Variants in ITGB3 observed in about 807,000 individuals in gnomAD.
ITGB3 encodes integrin subunit beta 3.
A neutral mutation model predicts 85.8 loss-of-function variants in ITGB3; 48 were observed. The observed-to-expected ratio is 0.56, with a 90% confidence interval of 0.44 to 0.71. The LOEUF (loss-of-function observed/expected upper bound fraction) is 0.71. Ranked by LOEUF, ITGB3 falls within the 30% of genes least tolerant of loss-of-function variation. The pLI is 0.00. For synonymous variants in ITGB3, 363 were observed against 395.6 expected (o/e 0.92, Z 0.98); for missense variants, 861 against 1,019.1 (o/e 0.84, Z 2.11).
Position 47,300,334 on chromosome 17 carries a change from G to GGCGCGCGCGCGCGCGC in ITGB3, c.1914-131_1914-130insCGCGCGCGCGCGCGCG, listed in dbSNP as rs747880536. On this transcript the variant is annotated intron_variant, in intron 11 of 14. Coordinates refer to ENST00000559488, the MANE Select transcript of ITGB3 (RefSeq NM_000212.3). ...TTCAGGTCCCCAGGATTGTCTTACA[G>GGCGCGCGCGCGCGCGC]GCGCGCGCGCGCGTGTGTGTGTGTG... The GGCGCGCGCGCGCGCGC allele has an allele frequency of 3.4e-4, 172 of 501,960 alleles. No homozygotes were observed. The African/African-American group carries it at 3.9e-3, about 11-fold the overall frequency. 31.1% of individuals were successfully genotyped at this position (501,960 alleles called of 1,614,324 possible).
intron 4 of ITGB3, among the ~76,000 whole-genome samples, chr17:47,285,596 A>C (rs2065099645): frequency 1.3e-5 from 2 of 152,180 alleles, no homozygotes; most frequent in Admixed American, 6.5e-5. Context: ...CAACCTGGAC[A>C]ATGGAGCACA....
At chr17:47,309,775 G>A (rs1050876084) in intron 14 of ITGB3, among the ~76,000 whole-genome samples, 1 of 151,526 alleles carries the variant, frequency 6.6e-6, no homozygotes, top group Non-Finnish European at 1.5e-5. Flanking sequence ...TGTGCCTGTA[G>A]TCCCAGCTAC....
rs1796152660 is a variant in ITGB3 at position 47,273,992 on chromosome 17, G to T, written c.80-427G>T. On this transcript the variant is annotated intron_variant, in intron 1 of 14. Coordinates refer to ENST00000559488, the MANE Select transcript of ITGB3 (RefSeq NM_000212.3). ...TATGTGTTAATGTTAGTGCATCTGG[G>T]CCTTGGATCCCCTGTGTAGTGGCTG... 2.6e-5 allele frequency among the ~76,000 whole-genome samples: 4 copies of T among 152,304 alleles called. No homozygotes were observed. In the South Asian group the frequency reaches 8.3e-4, roughly 32 times the overall value.
chr17:47,289,682 A>C lies in ITGB3; in HGVS notation c.941A>C (p.Asp314Ala), dbSNP rs2065117736. 2 of 1,609,114 alleles carry C rather than the reference A, an allele frequency of 1.2e-6. No individual in the cohort carries two copies. The highest frequency in any genetic ancestry group is 8.5e-7 in the Non-Finnish European group (1 of 1,175,410). ...DNHYSASTTM[D>A]YPSLGLMTEK... ...CCTCTACATCCTTCATTTTCCTAGG[A>C]TTATCCCTCTTTGGGGCTGATGACT... is the stretch of plus-strand genomic sequence containing the variant. The change falls in exon 7 of 15, where the codon GAT (aspartate) becomes GCT (alanine). Residue 314 changes from aspartate to alanine, a missense_variant and splice_region_variant. Coordinates refer to ENST00000559488, the MANE Select transcript of ITGB3 (RefSeq NM_000212.3).
chr17:47,291,769 T>C (rs1426306523), intron 9 of ITGB3, among the ~76,000 whole-genome samples: 1 of 152,200 alleles, frequency 6.6e-6, no homozygotes, highest in Admixed American at 6.5e-5. Flanking sequence ...TGGTGCAAAA[T>C]AGTGCTTTGT....
At chr17:47,283,304 G>A in intron 2 of ITGB3, 50 bp from the exon 3 acceptor site, 1 of 1,585,716 alleles carries the variant, frequency 6.3e-7, no homozygotes, top group Non-Finnish European at 8.7e-7. Flanking sequence ...GAGGTAGAGA[G>A]TCGCCATAGC....
At position 47,290,243 on chromosome 17, in the gene ITGB3, A is replaced by G. The variant is rs2143107081; in HGVS notation, c.1094A>G (p.Asn365Ser). 1.2e-6 allele frequency: 2 copies of G among 1,614,028 alleles called. No individual in the cohort carries two copies. Among genetic ancestry groups the G allele is most frequent in the Non-Finnish European group, 1.7e-6 (2 of 1,179,950 alleles). Reference sequence around the variant, plus strand: ...GGGGTTCTGTCCATGGATTCCAGCAATGTCCTCCAGCTCATTGTTGATGCT... The same window carrying G: ...GGGGTTCTGTCCATGGATTCCAGCAGTGTCCTCCAGCTCATTGTTGATGCT... ...TVGVLSMDSS[N>S]VLQLIVDAYG... The change falls in exon 8 of 15, where the codon AAT (asparagine) becomes AGT (serine). Residue 365 changes from asparagine to serine, a missense_variant. Transcript: ENST00000559488.
At chr17:47,302,917 A>T in intron 13 of ITGB3, 77 bp downstream of exon 13, 1 of 1,563,328 alleles carries the variant, frequency 6.4e-7, no homozygotes, top group Non-Finnish European at 8.8e-7. Context: ...ATCTCTACTC[A>T]TCGAAGCTGT....
chr17:47,293,970 C>T (rs1180099616), intron 10 of ITGB3, among the ~76,000 whole-genome samples: 3 of 152,198 alleles, frequency 2.0e-5, no homozygotes, highest in Non-Finnish European at 4.4e-5. Flanking sequence ...TGATATTAAC[C>T]TTTAAAAAAG....
Position 47,299,519 on chromosome 17 carries a change from C to T in ITGB3, c.1902C>T (p.Cys634=), listed in dbSNP as rs149823724. The change falls in exon 11 of 15, where the codon TGC becomes TGT. Residue 634 remains cysteine, a synonymous_variant. Coordinates refer to ENST00000559488, the MANE Select transcript of ITGB3 (RefSeq NM_000212.3). The surrounding 1 kb of genome is among the most constrained non-coding windows in gnomAD (Gnocchi z 5.1). ...AGTGCCCCACCTGCCCAGATGCCTG[C>T]ACCTTTAAGAAGTGAGTGTGGAGTC... The part of the protein sequence containing the change: ...CEKCPTCPDA[C]TFKKECVECK... The T allele has an allele frequency of 2.1e-4, 338 of 1,614,054 alleles. 1 individual carries two copies. The East Asian group carries it at 6.8e-3, about 32-fold the overall frequency.
intron 14 of ITGB3, 116 bp downstream of exon 14, chr17:47,307,753 T>C (rs1490461948): frequency 9.9e-7 from 1 of 1,013,030 alleles, no homozygotes; most frequent in Non-Finnish European, 1.5e-6. Flanking sequence ...CATTATCCTC[T>C]GTTCTGGAAA....
At position 47,286,416 on chromosome 17, in the gene ITGB3, C is replaced by A; in HGVS notation, c.771C>A (p.Val257=). 6.2e-7 allele frequency: 1 copy of A among 1,614,062 alleles called. No individual in the cohort carries two copies. The highest frequency in any genetic ancestry group is 1.1e-5 in the South Asian group (1 of 91,066). ...GGFDAIMQAT[V]CDEKIGWRND... is the part of the protein sequence containing the mutation. ...TTGATGCCATCATGCAGGCTACAGTCTGTGATGTGAGTTTGGAGGACTTGG... is the reference window on the plus strand; with the variant it reads ...TTGATGCCATCATGCAGGCTACAGTATGTGATGTGAGTTTGGAGGACTTGG... Residue 257 remains valine (V), a synonymous_variant, in exon 5 of 15, where the codon GTC becomes GTA. Coordinates refer to ENST00000559488, the MANE Select transcript of ITGB3 (RefSeq NM_000212.3).
At chr17:47,300,375 G>T in intron 11 of ITGB3, 103 bp from the exon 12 acceptor site, 4 of 784,552 alleles carry the variant, frequency 5.1e-6, no homozygotes, top group East Asian at 2.6e-5. Flanking sequence ...GTGTTTTAAT[G>T]GAGGTGGAGC....
At chr17:47,257,265 G>A (rs756847534) in intron 1 of ITGB3, among the ~76,000 whole-genome samples, 5 of 152,226 alleles carry the variant, frequency 3.3e-5, no homozygotes, top group Non-Finnish European at 7.3e-5. Context: ...ACATATGTGA[G>A]AGGGGGTCCC....
chr17:47,256,409 T>C (rs1356993808), intron 1 of ITGB3, among the ~76,000 whole-genome samples: 1 of 152,058 alleles, frequency 6.6e-6, no homozygotes, highest in African/African-American at 2.4e-5. Context: ...CCACACTCTC[T>C]CTGAGAAGCA....
chr17:47,305,506 A>G (rs895975764), intron 13 of ITGB3: 1 of 152,220 alleles, frequency 6.6e-6, no homozygotes, highest in Non-Finnish European at 1.5e-5. Context: ...CTGGAATAAG[A>G]TCACCTATTA....
At chr17:47,298,165 C>T (rs1034694232) in intron 10 of ITGB3, among the ~76,000 whole-genome samples, 2 of 152,120 alleles carry the variant, frequency 1.3e-5, no homozygotes, top group African/African-American at 2.4e-5. Flanking sequence ...AACATTTCTC[C>T]ACCTGTTGAG....
Position 47,310,762 on chromosome 17 carries a change from C to T in ITGB3, c.*558C>T, listed in dbSNP as rs762300329. 2.1e-5 allele frequency: 4 copies of T among 186,964 alleles called. No individual in the cohort carries two copies. Among genetic ancestry groups the T allele is most frequent in the African/African-American group, 4.6e-5 (2 of 43,320 alleles). 11.6% of individuals were successfully genotyped at this position (186,964 alleles called of 1,614,324 possible). A position where few individuals can be genotyped will look rare whatever the true frequency, so the allele number is the denominator to read the frequency against. ...CTGCCTCCTTTCCCCTCCCTCAGGCCGAAGGAGGAGTCAGGGAGAGCTGAA... is the reference window on the plus strand; with the variant it reads ...CTGCCTCCTTTCCCCTCCCTCAGGCTGAAGGAGGAGTCAGGGAGAGCTGAA... On this transcript the variant is annotated 3_prime_UTR_variant, in exon 15 of 15. Coordinates refer to ENST00000559488, the MANE Select transcript of ITGB3 (RefSeq NM_000212.3).
rs1176845532 is a variant in ITGB3, at chr17:47,284,559, C to T, written c.478C>T (p.Leu160=). Residue 160 remains leucine (L), a synonymous_variant, in exon 4 of 15, where the codon CTG becomes TTG. Coordinates refer to ENST00000559488, the MANE Select transcript of ITGB3 (RefSeq NM_000212.3). ...MKDDLWSIQN[L]GTKLATQMRK... ...GGATGATCTGTGGAGCATCCAGAAC[C>T]TGGGTACCAAGCTGGCCACCCAGAT... 6.2e-7 allele frequency: 1 copy of T among 1,614,168 alleles called. No homozygotes were observed. Among genetic ancestry groups the T allele is most frequent in the Non-Finnish European group, 8.5e-7 (1 of 1,180,036 alleles).
Sources: gnomAD v4.1 joint callset for allele counts (sites outside exome capture counted in the v4.1 genomes callset) on GRCh38, gnomAD v4.1.1 for gene constraint, Gnocchi (gnomAD v3.1) non-coding constraint, MANE v1.5 for transcripts, NCBI Gene and HGNC (gene_info 2026-07-23, HGNC 2026-07-21) for gene names.